CA10: variants seen among roughly 807,000 people sequenced by gnomAD.
CA10 encodes the protein carbonic anhydrase 10 (inactive).
CA10 carries 14 observed loss-of-function variants against 44.2 expected under a neutral mutation model. The ratio of observed to expected loss-of-function variants is 0.32; its 90% CI spans 0.21 to 0.50. CA10 has a LOEUF of 0.50. Among genes scored for constraint, CA10 ranks in the 20% least tolerant of loss-of-function variants. The pLI, the probability that CA10 is intolerant of heterozygous loss-of-function variation, is 0.99. For synonymous variants in CA10, 159 were observed against 141.6 expected, an observed-to-expected ratio of 1.12 and a Z score of -0.87; for missense variants, 350 against 409.7, an observed-to-expected ratio of 0.85 and a Z score of 1.26.
At chr17:51,815,873 T>C (rs142657337) in intron 3 of CA10, among the ~76,000 whole-genome samples, 8 of 152,178 alleles carry the variant, frequency 5.3e-5, no homozygotes, top group African/African-American at 1.7e-4. Context: ...AATAAGCACA[T>C]CATGGAGAAT....
intron 3 of CA10, among the ~76,000 whole-genome samples, chr17:51,877,121 T>C (rs1018209317): frequency 6.6e-6 from 1 of 152,196 alleles, no homozygotes; most frequent in Non-Finnish European, 1.5e-5. Context: ...TGGACATGTG[T>C]AGGAGCTGTT....
intron 1 of CA10, among the ~76,000 whole-genome samples, chr17:52,137,471 T>C (rs1441397152): frequency 6.6e-6 from 1 of 152,214 alleles, no homozygotes; most frequent in Non-Finnish European, 1.5e-5. Flanking sequence ...ACATCCTAAC[T>C]CCCATTGTTC....
intron 3 of CA10, among the ~76,000 whole-genome samples, chr17:51,787,692 T>G (rs1176563218): frequency 6.6e-6 from 1 of 152,098 alleles, no homozygotes; most frequent in East Asian, 1.9e-4. Flanking sequence ...GAGATGGGGT[T>G]TCACCATGTT....
At chr17:52,073,600 C>G (rs1987742406) in intron 1 of CA10, among the ~76,000 whole-genome samples, 1 of 152,168 alleles carries the variant, frequency 6.6e-6, no homozygotes, top group African/African-American at 2.4e-5. Context: ...ATTTAAGACT[C>G]TGGAAAAAAT....
intron 4 of CA10, among the ~76,000 whole-genome samples, chr17:51,684,807 C>T (rs187485261): frequency 6.6e-6 from 1 of 152,286 alleles, no homozygotes; most frequent in Admixed American, 6.5e-5. Context: ...TTATATCTCA[C>T]TCCTCCAAAG....
chr17:52,125,787 A>G (rs1989105734), intron 1 of CA10, among the ~76,000 whole-genome samples: 1 of 151,398 alleles, frequency 6.6e-6, no homozygotes, highest in Non-Finnish European at 1.5e-5. Context: ...TTCAGGTTCC[A>G]TTCTTCACAG....
chr17:52,105,221 C>G (rs1025909717), intron 1 of CA10, among the ~76,000 whole-genome samples: 2 of 135,524 alleles, frequency 1.5e-5, no homozygotes, highest in Non-Finnish European at 3.3e-5. Flanking sequence ...CTCTCCAGCT[C>G]TGAAATCAGA....
At chr17:52,043,057 A>G (rs532792685) in intron 2 of CA10, among the ~76,000 whole-genome samples, 22 of 151,904 alleles carry the variant, frequency 1.4e-4, no homozygotes, top group South Asian at 4.2e-4. Flanking sequence ...TTGTAATGCA[A>G]TTTTGCATTG....
At chr17:51,799,767 C>A (rs1394088197) in intron 3 of CA10, among the ~76,000 whole-genome samples, 1 of 152,112 alleles carries the variant, frequency 6.6e-6, no homozygotes, top group East Asian at 1.9e-4. Context: ...AAAGAATGGT[C>A]ACATTAATAA....
At chr17:51,796,793 T>C (rs980831790) in intron 3 of CA10, among the ~76,000 whole-genome samples, 10 of 152,156 alleles carry the variant, frequency 6.6e-5, no homozygotes, top group Non-Finnish European at 1.3e-4. Context: ...CTTGCATCCA[T>C]GCAAGGAGCC....
intron 2 of CA10, among the ~76,000 whole-genome samples, chr17:52,026,528 C>A (rs903841320): frequency 7.9e-5 from 12 of 152,086 alleles, no homozygotes; most frequent in African/African-American, 2.7e-4. Context: ...CAAAGACATA[C>A]CCAGGACTGG....
chr17:51,630,450 C>T lies in CA10; in HGVS notation c.*1134G>A, dbSNP rs1357181191. On this transcript the variant is annotated 3_prime_UTR_variant, in exon 9 of 9. Coordinates refer to ENST00000451037, the MANE Select transcript of CA10 (RefSeq NM_020178.5). ...GGCTGCACCTGGAGAGAAAACATAC[C>T]CCTTTCCCAGGAACTTACAAGGCAA... The T allele has an allele frequency of 2.0e-5, 3 of 152,538 alleles. No individual in the cohort carries two copies. The highest frequency in any genetic ancestry group is 4.1e-4 in the South Asian group (2 of 4,836). The allele number at this position is 152,538 out of a possible 1,614,324, so 9.4% of individuals were successfully genotyped here.
chr17:51,810,031 T>G (rs1026480137), intron 3 of CA10, among the ~76,000 whole-genome samples: 1 of 152,174 alleles, frequency 6.6e-6, no homozygotes, highest in Non-Finnish European at 1.5e-5. Flanking sequence ...GGCCAAAACA[T>G]GGGACAGAAT....
At chr17:51,920,438 T>C (rs1302521546) in intron 3 of CA10, among the ~76,000 whole-genome samples, 1 of 150,302 alleles carries the variant, frequency 6.7e-6, no homozygotes, top group East Asian at 2.0e-4. Context: ...GATGAAAAAA[T>C]GAGAAAAAAT....
At chr17:51,730,521 C>T (rs1240643614) in intron 4 of CA10, among the ~76,000 whole-genome samples, 3 of 152,140 alleles carry the variant, frequency 2.0e-5, no homozygotes, top group Admixed American at 1.3e-4. Context: ...TGCAATAAAG[C>T]GAGTCATGCT....
intron 3 of CA10, among the ~76,000 whole-genome samples, chr17:51,875,699 T>A (rs1449632670): frequency 6.6e-6 from 1 of 152,170 alleles, no homozygotes; most frequent in Non-Finnish European, 1.5e-5. Flanking sequence ...GGGGGGGGTA[T>A]ATAGTTAAAT....
chr17:51,921,872 T>C (rs1982247531), intron 3 of CA10, among the ~76,000 whole-genome samples: 1 of 152,218 alleles, frequency 6.6e-6, no homozygotes, highest in African/African-American at 2.4e-5. Context: ...GAAAGTTTTA[T>C]CTTTATGCCT....
intron 3 of CA10, among the ~76,000 whole-genome samples, chr17:51,873,647 C>A (rs999289479): frequency 1.3e-5 from 2 of 152,288 alleles, no homozygotes; most frequent in East Asian, 3.9e-4. Flanking sequence ...CACTGCAGCA[C>A]AATTCTAGTG....
At chr17:51,884,317 T>A (rs1980502469) in intron 3 of CA10, among the ~76,000 whole-genome samples, 1 of 152,146 alleles carries the variant, frequency 6.6e-6, no homozygotes, top group South Asian at 2.1e-4. Context: ...AAGTTCCTCA[T>A]TGTACTCAAA....
Sources: allele counts gnomAD v4.1 joint callset (sites outside exome capture counted in the v4.1 genomes callset), GRCh38; gene constraint gnomAD v4.1.1; transcripts MANE v1.5; gene names NCBI Gene and HGNC (gene_info 2026-07-23, HGNC 2026-07-21).